TMEM151B: variants seen among roughly 807,000 people sequenced by gnomAD.
The protein encoded by TMEM151B is transmembrane protein 151B, also known as transmembrane protein 193.
Under a neutral mutation model 33.0 loss-of-function variants are expected in TMEM151B, and 18 were observed. That is an observed-to-expected ratio of 0.55 (90% CI 0.38 to 0.81). The LOEUF is 0.81. Among genes scored for constraint, TMEM151B ranks in the 30% least tolerant of loss-of-function variants. TMEM151B has a pLI of 0.00. For synonymous variants in TMEM151B, 354 were observed against 373.6 expected (o/e 0.95, Z 0.61); for missense variants, 672 against 843.4 (o/e 0.80, Z 2.52).
chr6:44,271,169 G>A (rs1782322599), intron 1 of TMEM151B, among the ~76,000 whole-genome samples: 2 of 151,840 alleles, frequency 1.3e-5, no homozygotes, highest in Admixed American at 1.3e-4. Context: ...ATGCTCTACC[G>A]GGGTGGGGAC....
chr6:44,279,391 C>T lies in TMEM151B; in HGVS notation c.*2864C>T, dbSNP rs1453072329. ...GGCCTTTTTGTCGTGGATTTAAGCG[C>T]AAAGATTGTACAAATCAAACTGGTG... On this transcript the variant is annotated 3_prime_UTR_variant, in exon 3 of 3. Transcript: ENST00000451188. The T allele has an allele frequency of 1.3e-5, 2 of 152,204 alleles. No homozygotes were observed. The highest frequency in any genetic ancestry group is 3.8e-4 in the East Asian group (2 of 5,200). 9.4% of individuals were successfully genotyped at this position (152,204 alleles called of 1,614,324 possible). A position where few individuals can be genotyped will look rare whatever the true frequency, so the allele number is the denominator to read the frequency against.
chr6:44,270,514 AC>A lies in TMEM151B; in HGVS notation c.-226del, dbSNP rs1367464625. The A allele has an allele frequency of 6.2e-6, 1 of 160,170 alleles. No homozygotes were observed. The highest frequency in any genetic ancestry group is 1.7e-4 in the East Asian group (1 of 5,738). The allele number at this position is 160,170 out of a possible 1,614,324, so 9.9% of individuals were successfully genotyped here. ...GGCGCCGCGAGGGCCTCAAGGTGAC[AC>A]CCGCCCCCGGCCCCGGCCCCCCCCG... On this transcript the variant is annotated 5_prime_UTR_variant, in exon 1 of 3. Coordinates refer to ENST00000451188, the MANE Select transcript of TMEM151B (RefSeq NM_001137560.2).
chr6:44,275,598 G>T lies in TMEM151B; in HGVS notation c.772G>T (p.Ala258Ser). ...AYLCQRARFF[A>S]ENEGLDDYME... ...CCTGTGCCAGCGCGCGCGCTTCTTC[G>T]CAGAGAACGAGGGCCTAGACGACTA... The change falls in exon 3 of 3, where the codon GCA becomes TCA. Residue 258 changes from alanine to serine, a missense_variant. Ala to Ser is a moderately conservative substitution (Grantham distance 99, BLOSUM62 1). Around this residue, in one of 3 missense-constraint regions of TMEM151B, gnomAD observed 285 missense variants for 423.1 expected, o/e 0.67. Coordinates refer to ENST00000451188, the MANE Select transcript of TMEM151B (RefSeq NM_001137560.2). The T allele has an allele frequency of 6.4e-7, 1 of 1,551,054 alleles. No homozygotes were observed. Among genetic ancestry groups the T allele is most frequent in the Non-Finnish European group, 8.7e-7 (1 of 1,146,698 alleles).
Position 44,275,916 on chromosome 6 carries a change from C to A in TMEM151B, c.1090C>A (p.Arg364=), listed in dbSNP as rs774089427. ...GCCCCCGCTCACCCACCGCCTGCCG[C>A]GGGTCAACACAGTAGACAGCACGGA... The part of the protein sequence containing the change: ...LLPPLTHRLP[R]VNTVDSTELE... Residue 364 remains arginine (R), a synonymous_variant, in exon 3 of 3, where the codon CGG becomes AGG. Transcript: ENST00000451188. The A allele has an allele frequency of 8.5e-6, 13 of 1,525,930 alleles. No individual in the cohort carries two copies. In the South Asian group the frequency reaches 1.5e-4, roughly 17 times the overall value. 94.5% of individuals were successfully genotyped at this position (1,525,930 alleles called of 1,614,324 possible). A position where few individuals can be genotyped will look rare whatever the true frequency, so the allele number is the denominator to read the frequency against.
At position 44,270,828 on chromosome 6, in the gene TMEM151B, C is replaced by A; in HGVS notation, c.86C>A (p.Thr29Lys). The A allele has an allele frequency of 1.8e-6, 2 of 1,118,502 alleles. No individual in the cohort carries two copies. The highest frequency in any genetic ancestry group is 2.2e-6 in the Non-Finnish European group (2 of 917,388). 69.3% of individuals were successfully genotyped at this position (1,118,502 alleles called of 1,614,324 possible). A position where few individuals can be genotyped will look rare whatever the true frequency, so the allele number is the denominator to read the frequency against. Residue 29 changes from threonine (T) to lysine (K), a missense_variant, in exon 1 of 3, where the codon ACG (threonine) becomes AAG (lysine). Physicochemically the swap from Thr to Lys is moderately conservative, Grantham distance 78. Around this residue, in one of 3 missense-constraint regions of TMEM151B, gnomAD observed 63 missense variants for 57.2 expected, o/e 1.10. Coordinates refer to ENST00000451188, the MANE Select transcript of TMEM151B (RefSeq NM_001137560.2). The part of the protein sequence containing the change: ...GGGPGVSEEL[T>K]AAAAAAAADE... ...GGCCCCGGGGTCTCGGAGGAGCTCA[C>A]GGCGGCGGCGGCAGCGGCGGCGGCG...
At chr6:44,271,074 C>T (rs1302161818) in intron 1 of TMEM151B, among the ~76,000 whole-genome samples, 197 bp downstream of exon 1, 1 of 150,382 alleles carries the variant, frequency 6.6e-6, no homozygotes, top group Non-Finnish European at 1.5e-5. Flanking sequence ...GGGGCCGCGC[C>T]GGGGGCGGGG....
Position 44,273,167 on chromosome 6 carries a change from G to A in TMEM151B, c.237G>A (p.Val79=). ...SLLMYGCLGA[V]AWCHVTTVTR... ...TCATGTACGGCTGCCTGGGGGCAGT[G>A]GCCTGGTGCCACGTCACCACAGTGA... Residue 79 remains valine (V), a synonymous_variant, in exon 2 of 3, where the codon GTG becomes GTA. Coordinates refer to ENST00000451188, the MANE Select transcript of TMEM151B (RefSeq NM_001137560.2). The A allele has an allele frequency of 6.5e-7, 1 of 1,546,172 alleles. No individual in the cohort carries two copies. The highest frequency in any genetic ancestry group is 1.2e-5 in the South Asian group (1 of 83,946).
At position 44,276,224 on chromosome 6, in the gene TMEM151B, C is replaced by T; in HGVS notation, c.1398C>T (p.Gly466=). 7.7e-7 allele frequency: 1 copy of T among 1,293,214 alleles called. No individual in the cohort carries two copies. Among genetic ancestry groups the T allele is most frequent in the Non-Finnish European group, 9.8e-7 (1 of 1,024,022 alleles). 80.1% of individuals were successfully genotyped at this position (1,293,214 alleles called of 1,614,324 possible). A position where few individuals can be genotyped will look rare whatever the true frequency, so the allele number is the denominator to read the frequency against. The change falls in exon 3 of 3, where the codon GGC becomes GGT. Residue 466 remains glycine (G), a synonymous_variant. Transcript: ENST00000451188. ...GGGCCGGCCCGGGGCCCGGTGGGGG[C>T]GCGGGCTGCGGGGGCAGCCGCTTCT... ...SPRAGPGPGG[G]AGCGGSRFSL...
Position 44,276,132 on chromosome 6 carries a change from T to C in TMEM151B, c.1306T>C (p.Cys436Arg). Reference sequence around the variant, plus strand: ...TCCCTACCGGCGCAGCTGCGAGCACTGCCAGCGCGCCGTCAGCAGCTCGTC... The same window carrying C: ...TCCCTACCGGCGCAGCTGCGAGCACCGCCAGCGCGCCGTCAGCAGCTCGTC... Reference protein sequence around the residue: ...VAPYRRSCEHCQRAVSSSSIF... With the variant: ...VAPYRRSCEHRQRAVSSSSIF... The change falls in exon 3 of 3, where the codon TGC becomes CGC. Residue 436 changes from cysteine (C) to arginine (R), a missense_variant. Cys to Arg is a radical substitution (Grantham distance 180). This residue lies in a region of TMEM151B where 324 missense variants were observed against 363.1 expected (regional missense o/e 0.89). Coordinates refer to ENST00000451188, the MANE Select transcript of TMEM151B (RefSeq NM_001137560.2). The C allele has an allele frequency of 7.6e-7, 1 of 1,317,384 alleles. No homozygotes were observed. Among genetic ancestry groups the C allele is most frequent in the African/African-American group, 1.5e-5 (1 of 64,700 alleles). The allele number at this position is 1,317,384 out of a possible 1,614,324, so 81.6% of individuals were successfully genotyped here.
intron 1 of TMEM151B, among the ~76,000 whole-genome samples, chr6:44,271,679 C>T (rs1175228406): frequency 9.9e-5 from 15 of 152,224 alleles, no homozygotes; most frequent in Non-Finnish European, 5.9e-5. Context: ...CAAGGCTCCC[C>T]GAAAGGCACA....
intron 2 of TMEM151B, among the ~76,000 whole-genome samples, chr6:44,273,741 C>A (rs1782458986): frequency 6.6e-6 from 1 of 152,220 alleles, no homozygotes; most frequent in Admixed American, 6.5e-5. Flanking sequence ...ATTTATTTAA[C>A]CCTCATAACA....
chr6:44,271,104 G>T (rs1217356085), intron 1 of TMEM151B, among the ~76,000 whole-genome samples: 1 of 151,466 alleles, frequency 6.6e-6, no homozygotes, highest in Non-Finnish European at 1.5e-5. Flanking sequence ...CCCGGGCAGG[G>T]GGAGGGGCCT....
Position 44,275,939 on chromosome 6 carries a change from G to A in TMEM151B, c.1113G>A (p.Thr371=). The change falls in exon 3 of 3, where the codon ACG becomes ACA. Residue 371 remains threonine (T), a synonymous_variant. Coordinates refer to ENST00000451188, the MANE Select transcript of TMEM151B (RefSeq NM_001137560.2). ...CGCGGGTCAACACAGTAGACAGCAC[G>A]GAGCTCGAGTGGCACATCCGCTCCA... is the stretch of plus-strand genomic sequence containing the variant. ...RLPRVNTVDS[T]ELEWHIRSNQ... 6.7e-7 allele frequency: 1 copy of A among 1,492,542 alleles called. No homozygotes were observed. Among genetic ancestry groups the A allele is most frequent in the East Asian group, 2.5e-5 (1 of 39,960 alleles). 92.5% of individuals were successfully genotyped at this position (1,492,542 alleles called of 1,614,324 possible).
In TMEM151B at chr6:44,276,177, C is replaced by A; in HGVS notation, c.1351C>A (p.Leu451Ile). 2 of 1,303,276 alleles carry A rather than the reference C, an allele frequency of 1.5e-6. No individual in the cohort carries two copies. The highest frequency in any genetic ancestry group is 1.9e-6 in the Non-Finnish European group (2 of 1,032,364). The allele number at this position is 1,303,276 out of a possible 1,614,324, so 80.7% of individuals were successfully genotyped here. A position where few individuals can be genotyped will look rare whatever the true frequency, so the allele number is the denominator to read the frequency against. The change falls in exon 3 of 3, where the codon CTA (leucine) becomes ATA (isoleucine). Residue 451 changes from leucine (L) to isoleucine (I), a missense_variant. By Grantham distance (5) the Leu-to-Ile change is conservative. Around this residue, in one of 3 missense-constraint regions of TMEM151B, gnomAD observed 324 missense variants for 363.1 expected, o/e 0.89. Coordinates refer to ENST00000451188, the MANE Select transcript of TMEM151B (RefSeq NM_001137560.2). ...SSSSIFSRSA[L>I]SICASPRAGP... is the part of the protein sequence containing the mutation. ...CTCGTCTATCTTCTCGCGCAGCGCC[C>A]TAAGCATCTGCGCCAGCCCGCGGGC...
chr6:44,271,207 A>G (rs1782325515), intron 1 of TMEM151B, among the ~76,000 whole-genome samples: 1 of 151,676 alleles, frequency 6.6e-6, no homozygotes, highest in South Asian at 2.1e-4. Flanking sequence ...CTCACAGAGG[A>G]GGATGCTACC....
chr6:44,273,766 G>A (rs1222886341), intron 2 of TMEM151B, among the ~76,000 whole-genome samples: 2 of 152,250 alleles, frequency 1.3e-5, no homozygotes. Context: ...TATGATGTAG[G>A]CAGGTATTCC....
chr6:44,270,770 G>C lies in TMEM151B; in HGVS notation c.28G>C (p.Glu10Gln). The C allele has an allele frequency of 8.9e-7, 1 of 1,118,632 alleles. No homozygotes were observed. The highest frequency in any genetic ancestry group is 1.1e-6 in the Non-Finnish European group (1 of 914,752). The allele number at this position is 1,118,632 out of a possible 1,614,324, so 69.3% of individuals were successfully genotyped here. A position where few individuals can be genotyped will look rare whatever the true frequency, so the allele number is the denominator to read the frequency against. ...GTCCCCCCCTGGCTCGGCCGCGGGA[G>C]AGAGCGCCGCCGGCGGCGGCGGCGG... MSPPGSAAGESAAGGGGGGG... is the reference protein window; with the variant it reads MSPPGSAAGQSAAGGGGGGG... The change falls in exon 1 of 3, where the codon GAG becomes CAG. Residue 10 changes from glutamate to glutamine, a missense_variant. Around this residue, in one of 3 missense-constraint regions of TMEM151B, gnomAD observed 63 missense variants for 57.2 expected, o/e 1.10. Transcript: ENST00000451188.
At chr6:44,273,530 G>A in intron 2 of TMEM151B, 24 bp downstream of exon 2, 6 of 1,518,872 alleles carry the variant, frequency 4.0e-6, no homozygotes, top group South Asian at 3.7e-5. Context: ...GGGGAGTGCA[G>A]GACATTCAAC....
Position 44,276,573 on chromosome 6 carries a change from G to A in TMEM151B, c.*46G>A, listed in dbSNP as rs1405942314. The stretch of plus-strand genomic sequence containing the variant: ...CGCGCCGTCCTCCCGCCTGCCCCTC[G>A]CCGGACTGTGCTCCCTCTGCGACGC... On this transcript the variant is annotated 3_prime_UTR_variant, in exon 3 of 3. Transcript: ENST00000451188. The A allele has an allele frequency of 3.8e-6, 5 of 1,330,332 alleles. No homozygotes were observed. The African/African-American group carries it at 6.1e-5, about 16-fold the overall frequency. 82.4% of individuals were successfully genotyped at this position (1,330,332 alleles called of 1,614,324 possible). A position where few individuals can be genotyped will look rare whatever the true frequency, so the allele number is the denominator to read the frequency against.
Sources: gnomAD v4.1 joint callset for allele counts (sites outside exome capture counted in the v4.1 genomes callset) on GRCh38, gnomAD v4.1.1 for gene constraint, gnomAD v4.1.1 regional missense constraint, MANE v1.5 for transcripts, NCBI Gene and HGNC (gene_info 2026-07-23, HGNC 2026-07-21) for gene names.